The following GNPTAB variants were observed in gnomAD, a reference collection of about 807,000 sequenced individuals.
GNPTAB encodes N-acetylglucosamine-1-phosphotransferase subunits alpha/beta.
Under a neutral mutation model 136.6 loss-of-function variants are expected in GNPTAB, and 92 were observed. The ratio of observed to expected loss-of-function variants is 0.67; its 90% CI spans 0.57 to 0.80. GNPTAB has a LOEUF of 0.80. GNPTAB is among the 30% of genes least tolerant of loss of function. The pLI, the probability that GNPTAB is intolerant of heterozygous loss-of-function variation, is 0.00. For synonymous variants in GNPTAB, 512 were observed against 535.1 expected, an observed-to-expected ratio of 0.96 and a Z score of 0.60; for missense variants, 1,343 against 1,501.8, an observed-to-expected ratio of 0.89 and a Z score of 1.75.
chr12:101,799,859 G>C (rs563065115), intron 1 of GNPTAB, among the ~76,000 whole-genome samples: 1 of 152,040 alleles, frequency 6.6e-6, no homozygotes, highest in East Asian at 1.9e-4. Flanking sequence ...CTCTAGATTT[G>C]GGGTGGGGGT....
intron 2 of GNPTAB, among the ~76,000 whole-genome samples, chr12:101,792,839 C>T (rs1473014419): frequency 1.3e-5 from 2 of 152,146 alleles, no homozygotes; most frequent in Non-Finnish European, 1.5e-5. Context: ...CCTCTCTTTC[C>T]TACACCTTCG....
In GNPTAB at chr12:101,780,142, A is replaced by G. The variant is rs780753373; in HGVS notation, c.771+10T>C. ...TGCCAGGCTAATTGCTCTATTTTCT[A>G]TGTTCTTACCAGTTTGACTTTAGAG... is the stretch of plus-strand genomic sequence containing the variant. On this transcript the variant is annotated intron_variant, in intron 7 of 20. Transcript: ENST00000299314. The G allele has an allele frequency of 5.0e-6, 8 of 1,611,724 alleles. No individual in the cohort carries two copies. In the African/African-American group the frequency reaches 1.1e-4, roughly 22 times the overall value.
In GNPTAB at chr12:101,764,386, C is replaced by T. The variant is rs771037995; in HGVS notation, c.2531G>A (p.Ser844Asn). The T allele has an allele frequency of 4.3e-6, 7 of 1,613,860 alleles. No homozygotes were observed. In the East Asian group the frequency reaches 1.3e-4, roughly 31 times the overall value. ...KPPSLIVPLE[S>N]QMTKEKKITG... ...GATTTTCTTTTCTTTTGTCATCTGG[C>T]TTTCCAGTGGAACAATCAGAGATGG... is the stretch of plus-strand genomic sequence containing the variant. The change falls in exon 13 of 21, where the codon AGC becomes AAC. Residue 844 changes from serine to asparagine, a missense_variant. Physicochemically the swap from Ser to Asn is conservative, Grantham distance 46. Coordinates refer to ENST00000299314, the MANE Select transcript of GNPTAB (RefSeq NM_024312.5).
chr12:101,768,787 T>C (rs1342360531), intron 10 of GNPTAB, among the ~76,000 whole-genome samples: 1 of 152,240 alleles, frequency 6.6e-6, no homozygotes, highest in Non-Finnish European at 1.5e-5. Context: ...CTAATTGGAA[T>C]GTCTTTTTTA....
Position 101,771,102 on chromosome 12 carries a change from T to C in GNPTAB, c.827A>G (p.Asp276Gly), listed in dbSNP as rs1335548252. ...VALLKLNNPK[D>G]FQELNKQTKK... ...AGTTTGCTTATTCAATTCTTGAAAATCCTTGGGGTTATTCAGTTTTAGAAG... is the reference window on the plus strand; with the variant it reads ...AGTTTGCTTATTCAATTCTTGAAAACCCTTGGGGTTATTCAGTTTTAGAAG... Residue 276 changes from aspartate to glycine, a missense_variant, in exon 8 of 21, where the codon GAT (aspartate) becomes GGT (glycine). Transcript: ENST00000299314. 64 of 1,613,728 alleles carry C rather than the reference T, an allele frequency of 4.0e-5. 1 individual carries two copies. The highest frequency in any genetic ancestry group is 5.0e-5 in the Non-Finnish European group (59 of 1,179,752).
intron 18 of GNPTAB, among the ~76,000 whole-genome samples, chr12:101,754,351 G>A (rs1952868909): frequency 6.6e-6 from 1 of 151,902 alleles, no homozygotes; most frequent in Admixed American, 6.6e-5. Flanking sequence ...TGCTGAACTC[G>A]GGAGGCAGAG....
intron 10 of GNPTAB, 90 bp downstream of exon 10, chr12:101,769,931 T>C (rs1953145613): frequency 1.6e-6 from 2 of 1,260,570 alleles, no homozygotes; most frequent in East Asian, 4.6e-5. Flanking sequence ...ATGTCTGGCC[T>C]GATATTTGAC....
intron 7 of GNPTAB, among the ~76,000 whole-genome samples, chr12:101,775,909 T>C (rs931509308): frequency 1.3e-5 from 2 of 152,148 alleles, no homozygotes; most frequent in Non-Finnish European, 2.9e-5. Flanking sequence ...TGCAGGACAA[T>C]ATGCTGTTCC....
At chr12:101,830,385 G>A (rs186350019) in intron 1 of GNPTAB, among the ~76,000 whole-genome samples, 174 bp downstream of exon 1, 2 of 152,226 alleles carry the variant, frequency 1.3e-5, no homozygotes, top group African/African-American at 4.8e-5. Flanking sequence ...AGCACTCGGG[G>A]ACGCCGAGAC....
rs1412946792 is a variant in GNPTAB at position 101,788,458 on chromosome 12, A to G, written c.365+90T>C. 3 of 848,152 alleles carry G rather than the reference A, an allele frequency of 3.5e-6. No homozygotes were observed. The Admixed American group carries it at 5.3e-5, about 15-fold the overall frequency. The allele number at this position is 848,152 out of a possible 1,614,324, so 52.5% of individuals were successfully genotyped here. On this transcript the variant is annotated intron_variant, in intron 4 of 20. Transcript: ENST00000299314. ...AAACTATATGGATAATAAACACAAA[A>G]TCCTGTGTACCCAATAAAAACAAAT... is the stretch of plus-strand genomic sequence containing the variant.
At chr12:101,770,266 A>G in intron 9 of GNPTAB, 75 bp from the exon 10 acceptor site, 2 of 1,500,518 alleles carry the variant, frequency 1.3e-6, no homozygotes, top group Non-Finnish European at 1.9e-6. Flanking sequence ...GAAAGGAAGG[A>G]AGGGAAGGCA....
rs180805628 is a variant in GNPTAB, at chr12:101,782,106, T to C, written c.572-1485A>G. Among the ~76,000 whole-genome samples the C allele has an allele frequency of 1.2e-3, 189 of 152,278 alleles. 2 individuals are homozygous for C. The highest frequency in any genetic ancestry group is 4.2e-3 in the African/African-American group (174 of 41,554). ...ACAGAAGGCATGCTTGTGAAATGTGTAGATTCATAGGAAGATGGCAGAGAA... is the reference window on the plus strand; with the variant it reads ...ACAGAAGGCATGCTTGTGAAATGTGCAGATTCATAGGAAGATGGCAGAGAA... On this transcript the variant is annotated intron_variant, in intron 5 of 20. Transcript: ENST00000299314.
At chr12:101,802,002 A>G (rs1037589656) in intron 1 of GNPTAB, among the ~76,000 whole-genome samples, 2 of 152,090 alleles carry the variant, frequency 1.3e-5, no homozygotes, top group African/African-American at 4.8e-5. Flanking sequence ...AGCCTGGGCA[A>G]CAAACTGAGA....
At chr12:101,804,455 C>T (rs924573278) in intron 1 of GNPTAB, among the ~76,000 whole-genome samples, 2 of 152,046 alleles carry the variant, frequency 1.3e-5, no homozygotes, top group African/African-American at 4.8e-5. Flanking sequence ...TCAGAATCAC[C>T]GAATTCTACA....
In GNPTAB at chr12:101,761,671, T is replaced by A. The variant is rs1331945263; in HGVS notation, c.2808A>T (p.Arg936Ser). The change falls in exon 14 of 21, where the codon AGA becomes AGT. Residue 936 changes from arginine to serine, a missense_variant. Coordinates refer to ENST00000299314, the MANE Select transcript of GNPTAB (RefSeq NM_024312.5). ...QLKDTFADSL[R>S]YVNKILNSKF... ...TGCTATTTAGAATTTTATTTACATATCTGAGGGAATCTGCAAATGTATCTT... is the reference window on the plus strand; with the variant it reads ...TGCTATTTAGAATTTTATTTACATAACTGAGGGAATCTGCAAATGTATCTT... 2.5e-6 allele frequency: 4 copies of A among 1,613,860 alleles called. No individual in the cohort carries two copies. Among genetic ancestry groups the A allele is most frequent in the Non-Finnish European group, 3.4e-6 (4 of 1,179,822 alleles).
chr12:101,759,288 G>A (rs552524209), intron 16 of GNPTAB, among the ~76,000 whole-genome samples: 5 of 151,128 alleles, frequency 3.3e-5, no homozygotes, highest in South Asian at 4.2e-4. Flanking sequence ...GCGTGAACCC[G>A]GAAGGCGGAG....
intron 1 of GNPTAB, among the ~76,000 whole-genome samples, chr12:101,803,038 G>T (rs1014075340): frequency 6.6e-6 from 1 of 151,956 alleles, no homozygotes; most frequent in Non-Finnish European, 1.5e-5. Context: ...GAATCTCCAG[G>T]GAATTAGGCT....
Position 101,745,764 on chromosome 12 carries a change from T to G in GNPTAB, c.*1400A>C, listed in dbSNP as rs1952724315. 1 of 152,258 alleles carries G rather than the reference T, an allele frequency of 6.6e-6. No individual in the cohort carries two copies. Among genetic ancestry groups the G allele is most frequent in the East Asian group, 1.9e-4 (1 of 5,198 alleles). 9.4% of individuals were successfully genotyped at this position (152,258 alleles called of 1,614,324 possible). A position where few individuals can be genotyped will look rare whatever the true frequency, so the allele number is the denominator to read the frequency against. On this transcript the variant is annotated 3_prime_UTR_variant, in exon 21 of 21. Coordinates refer to ENST00000299314, the MANE Select transcript of GNPTAB (RefSeq NM_024312.5). ...AATACTAATTCTCGGCTGGGTGCAC[T>G]GGCTTATGCCTGTAATCTCAGCACT...
chr12:101,822,048 A>T (rs537719096), intron 1 of GNPTAB, among the ~76,000 whole-genome samples: 1 of 152,322 alleles, frequency 6.6e-6, no homozygotes, highest in South Asian at 2.1e-4. Flanking sequence ...ATCAGGGGAA[A>T]AGCAGGTGAC....
Sources: gnomAD v4.1 joint callset for allele counts (sites outside exome capture counted in the v4.1 genomes callset) on GRCh38, gnomAD v4.1.1 for gene constraint, MANE v1.5 for transcripts, NCBI Gene and HGNC (gene_info 2026-07-23, HGNC 2026-07-21) for gene names.